Variants in PDS5A observed in about 807,000 individuals in gnomAD.
The protein encoded by PDS5A is PDS5 cohesin associated factor A, also known as sister chromatid cohesion protein PDS5 homolog A.
Under a neutral mutation model 167.1 loss-of-function variants are expected in PDS5A, and 42 were observed. That is an observed-to-expected ratio of 0.25 (90% CI 0.20 to 0.33). The LOEUF is 0.33. Among genes scored for constraint, PDS5A ranks in the 10% least tolerant of loss-of-function variants. The pLI is 1.00. For synonymous variants in PDS5A, 553 were observed against 554.6 expected (o/e 1.00, Z 0.04); for missense variants, 1,033 against 1,605.9 (o/e 0.64, Z 6.10).
intron 26 of PDS5A, among the ~76,000 whole-genome samples, chr4:39,860,880 G>A (rs1487896754): frequency 2.0e-5 from 3 of 151,858 alleles, no homozygotes. Context: ...GACCAGCCTG[G>A]GCAACACAGT....
intron 2 of PDS5A, among the ~76,000 whole-genome samples, chr4:39,955,332 T>A (rs1728822860): frequency 6.6e-6 from 1 of 152,106 alleles, no homozygotes; most frequent in Non-Finnish European, 1.5e-5. Context: ...CCGGGCGTGG[T>A]GGCTCAAACC....
intron 22 of PDS5A, among the ~76,000 whole-genome samples, chr4:39,867,757 CA>C (rs1560439869): frequency 2.0e-5 from 3 of 149,746 alleles, no homozygotes; most frequent in African/African-American, 5.0e-5. Flanking sequence ...CACACACACA[CA>C]CACACACACA....
chr4:39,928,378 T>C (rs1449328342), intron 2 of PDS5A, among the ~76,000 whole-genome samples: 1 of 152,158 alleles, frequency 6.6e-6, no homozygotes, highest in African/African-American at 2.4e-5. Flanking sequence ...AAGTATCACC[T>C]TCTCAGGCAC....
chr4:39,828,927 G>T (rs185522011), intron 32 of PDS5A, among the ~76,000 whole-genome samples: 8 of 152,232 alleles, frequency 5.3e-5, no homozygotes, highest in Admixed American at 1.3e-4. Flanking sequence ...CTGATAAATT[G>T]GGCACCTGGA....
intron 6 of PDS5A, among the ~76,000 whole-genome samples, chr4:39,921,401 A>G (rs537558783): frequency 1.3e-5 from 2 of 152,132 alleles, no homozygotes; most frequent in East Asian, 1.9e-4. Context: ...TTAAGTTAAC[A>G]TTTCTATTTC....
In PDS5A at chr4:39,901,533, A is replaced by T. The variant is rs186442811; in HGVS notation, c.1499+814T>A. Among the ~76,000 whole-genome samples, 964 of 152,150 alleles carry T rather than the reference A, an allele frequency of 6.3e-3. 4 individuals are homozygous for T. Among genetic ancestry groups the T allele is most frequent in the Non-Finnish European group, 9.2e-3 (624 of 67,982 alleles). On this transcript the variant is annotated intron_variant, in intron 13 of 32. Coordinates refer to ENST00000303538, the MANE Select transcript of PDS5A (RefSeq NM_001100399.2). Reference sequence around the variant, plus strand: ...TATCTGCCTGCCCTGGCCTCCCAAAATGCTGGGATTACAGGGGTTAGCCTC... The same window carrying T: ...TATCTGCCTGCCCTGGCCTCCCAAATTGCTGGGATTACAGGGGTTAGCCTC...
intron 30 of PDS5A, among the ~76,000 whole-genome samples, chr4:39,842,279 A>G (rs895669731): frequency 2.6e-5 from 4 of 152,252 alleles, no homozygotes; most frequent in Non-Finnish European, 4.4e-5. Context: ...CCTTAATAAC[A>G]TTAAGACAGA....
At chr4:39,862,737 C>A in intron 25 of PDS5A, 132 bp downstream of exon 25, 1 of 630,910 alleles carries the variant, frequency 1.6e-6, no homozygotes, top group South Asian at 2.0e-5. Context: ...ATCATAACTA[C>A]AATGACAGCA....
intron 16 of PDS5A, among the ~76,000 whole-genome samples, chr4:39,891,391 G>A (rs1721948360): frequency 6.6e-6 from 1 of 151,302 alleles, no homozygotes; most frequent in Non-Finnish European, 1.5e-5. Context: ...GCTCACGCCT[G>A]TAATCCCAGC....
intron 5 of PDS5A, among the ~76,000 whole-genome samples, chr4:39,924,893 C>T (rs894812599): frequency 6.6e-6 from 1 of 152,180 alleles, no homozygotes; most frequent in Non-Finnish European, 1.5e-5. Flanking sequence ...GGGTGGATCA[C>T]TTGAGGTCAA....
intron 32 of PDS5A, among the ~76,000 whole-genome samples, chr4:39,826,694 T>G (rs888777448): frequency 1.3e-5 from 2 of 151,818 alleles, no homozygotes; most frequent in African/African-American, 4.8e-5. Flanking sequence ...ACCATGTTGG[T>G]CAGGATGGTC....
intron 9 of PDS5A, among the ~76,000 whole-genome samples, chr4:39,911,889 A>C (rs944530130): frequency 3.9e-5 from 6 of 152,100 alleles, no homozygotes; most frequent in Non-Finnish European, 8.8e-5. Flanking sequence ...GGAACCCTCA[A>C]ATTTAAAACA....
chr4:39,963,609 G>C (rs757140431), intron 2 of PDS5A, among the ~76,000 whole-genome samples: 7 of 152,188 alleles, frequency 4.6e-5, no homozygotes, highest in Non-Finnish European at 8.8e-5. Context: ...ACTTTGGGAG[G>C]TTGAGGTGGG....
At chr4:39,897,624 C>A (rs550793085) in intron 16 of PDS5A, among the ~76,000 whole-genome samples, 4 of 152,164 alleles carry the variant, frequency 2.6e-5, no homozygotes, top group African/African-American at 9.6e-5. Flanking sequence ...GTCTCGAACT[C>A]CCAACCTCAG....
At chr4:39,936,228 A>G (rs1462713380) in intron 2 of PDS5A, among the ~76,000 whole-genome samples, 2 of 152,070 alleles carry the variant, frequency 1.3e-5, no homozygotes, top group East Asian at 1.9e-4. Context: ...CTACATTTCA[A>G]TTCAGTTCTG....
intron 2 of PDS5A, among the ~76,000 whole-genome samples, chr4:39,959,466 C>A (rs1011805422): frequency 6.6e-6 from 1 of 152,030 alleles, no homozygotes; most frequent in African/African-American, 2.4e-5. Flanking sequence ...ATCCTTCCAA[C>A]TGGCCTCCTG....
At chr4:39,923,344 AAAG>A (rs1206647681) in intron 5 of PDS5A, among the ~76,000 whole-genome samples, 3 of 151,002 alleles carry the variant, frequency 2.0e-5, no homozygotes, top group Non-Finnish European at 4.4e-5. Flanking sequence ...AAAAAAAAAA[AAAG>A]AAAAAAAAAA....
chr4:39,838,126 T>C lies in PDS5A; in HGVS notation c.3740A>G (p.Glu1247Gly). 1 of 1,613,946 alleles carries C rather than the reference T, an allele frequency of 6.2e-7. No individual in the cohort carries two copies. The highest frequency in any genetic ancestry group is 8.5e-7 in the Non-Finnish European group (1 of 1,179,852). ...CTCATCTGTTTTTTGTTGGATATTC[T>C]CTGCACCAGCTGCTGTTACTGTTCT... ...KKRTVTAAGAENIQQKTDEKV... is the reference protein window; with the variant it reads ...KKRTVTAAGAGNIQQKTDEKV... The change falls in exon 32 of 33, where the codon GAG becomes GGG. Residue 1247 changes from glutamate to glycine, a missense_variant. Physicochemically the swap from Glu to Gly is moderately conservative, Grantham distance 98. Coordinates refer to ENST00000303538, the MANE Select transcript of PDS5A (RefSeq NM_001100399.2).
chr4:39,954,314 G>A (rs551087649), intron 2 of PDS5A, among the ~76,000 whole-genome samples: 85 of 152,000 alleles, frequency 5.6e-4, no homozygotes, highest in African/African-American at 1.9e-3. Context: ...GAGCCATGAC[G>A]GTGCCACTGC....
Sources: gnomAD v4.1 joint callset for allele counts (sites outside exome capture counted in the v4.1 genomes callset) on GRCh38, gnomAD v4.1.1 for gene constraint, MANE v1.5 for transcripts, NCBI Gene and HGNC (gene_info 2026-07-23, HGNC 2026-07-21) for gene names.